Variants in ITCH observed in about 807,000 individuals in gnomAD.
ITCH encodes E3 ubiquitin-protein ligase Itchy homolog.
In ITCH, 28 loss-of-function variants were observed where a neutral mutation model predicts 126.8. The observed-to-expected ratio is 0.22, with a 90% confidence interval of 0.16 to 0.30. The LOEUF (loss-of-function observed/expected upper bound fraction) is 0.30, where lower values mean the gene tolerates loss of function less well. Among genes scored for constraint, ITCH ranks in the 10% least tolerant of loss-of-function variants. The pLI, the probability that ITCH is intolerant of heterozygous loss-of-function variation, is 1.00. For synonymous variants in ITCH, 342 were observed against 340.0 expected (o/e 1.01, Z -0.06); for missense variants, 631 against 1,032.4 (o/e 0.61, Z 5.33).
chr20:34,477,356 C>A (rs560991620), intron 16 of ITCH, among the ~76,000 whole-genome samples: 1 of 152,144 alleles, frequency 6.6e-6, no homozygotes, highest in African/African-American at 2.4e-5. Context: ...CATGGCAAAA[C>A]CCCGTCTCTA....
chr20:34,423,163 T>G (rs1427837625), intron 6 of ITCH, among the ~76,000 whole-genome samples: 4 of 152,212 alleles, frequency 2.6e-5, no homozygotes, highest in South Asian at 2.1e-4. Context: ...AAAATATCTG[T>G]TTTTTGTGTC....
At position 34,436,811 on chromosome 20, in the gene ITCH, T is replaced by C. The variant is rs772555937; in HGVS notation, c.522-1663T>C. Among the ~76,000 whole-genome samples, 10 of 152,214 alleles carry C rather than the reference T, an allele frequency of 6.6e-5. 1 individual carries two copies. The highest frequency in any genetic ancestry group is 1.2e-4 in the Non-Finnish European group (8 of 68,046). On this transcript the variant is annotated intron_variant, in intron 7 of 24. Transcript: ENST00000374864. ...GAAAGGCCCTAAAGGATTTCTGTGG[T>C]ACACAGTTTGAAAATGTCTTTTAAA...
chr20:34,405,164 A>AAAG (rs1555858503), intron 3 of ITCH, among the ~76,000 whole-genome samples: 1 of 148,752 alleles, frequency 6.7e-6, no homozygotes, highest in African/African-American at 2.5e-5. Context: ...AAAAAAAAAA[A>AAAG]GGTTTCAGTG....
intron 8 of ITCH, among the ~76,000 whole-genome samples, chr20:34,439,310 C>CT (rs980866757): frequency 4.4e-4 from 67 of 152,338 alleles, no homozygotes; most frequent in African/African-American, 1.6e-3. Flanking sequence ...GGGTCTCACT[C>CT]TGTCACCCAG....
intron 5 of ITCH, among the ~76,000 whole-genome samples, chr20:34,413,478 A>G (rs1233449895): frequency 6.6e-6 from 1 of 151,936 alleles, no homozygotes; most frequent in African/African-American, 2.4e-5. Context: ...TAGTCTTACA[A>G]GGATGGAATG....
intron 16 of ITCH, among the ~76,000 whole-genome samples, chr20:34,475,694 AGGCAGG>A (rs1197240224): frequency 2.0e-3 from 288 of 142,364 alleles, no homozygotes; most frequent in South Asian, 3.9e-3. Flanking sequence ...GGAGAGGCAG[AGGCAGG>A]GGCAGGGGCA....
At chr20:34,388,793 TCTAATTATGAATGTGAAGTTA>T (rs1236204349) in intron 2 of ITCH, among the ~76,000 whole-genome samples, 1 of 152,224 alleles carries the variant, frequency 6.6e-6, no homozygotes, top group African/African-American at 2.4e-5. Flanking sequence ...CAAAAGAGTC[TCTAATTATGAATGTGAAGTTA>T]CAAAGAATGT....
Position 34,439,482 on chromosome 20 carries a change from G to A in ITCH, c.680-673G>A, listed in dbSNP as rs140407361. Among the ~76,000 whole-genome samples, 262 of 152,208 alleles carry A rather than the reference G, an allele frequency of 1.7e-3. 1 individual carries two copies. Among genetic ancestry groups the A allele is most frequent in the African/African-American group, 5.8e-3 (239 of 41,538 alleles). On this transcript the variant is annotated intron_variant, in intron 8 of 24. Transcript: ENST00000374864. ...TAGAGATGGAGTTTTGCCATGTTGC[G>A]CAGGCTGGTCTGGAGCTCCTGAGCT...
chr20:34,444,322 G>T (rs866994811), intron 10 of ITCH, among the ~76,000 whole-genome samples: 1 of 152,114 alleles, frequency 6.6e-6, no homozygotes, highest in Non-Finnish European at 1.5e-5. Context: ...GGTGGTTCAC[G>T]CCTGTAATCC....
intron 1 of ITCH, among the ~76,000 whole-genome samples, chr20:34,369,173 C>G (rs908347227): frequency 6.6e-5 from 10 of 151,986 alleles, no homozygotes; most frequent in African/African-American, 2.4e-4. Flanking sequence ...ACTAAAAATA[C>G]GAAAGTTAGC....
rs1277031221 is a variant in ITCH at position 34,508,077 on chromosome 20, A to G, written c.*283A>G. ...CCACTAGTTTATTCCTTTAACAACA[A>G]TATTTTATGTGTGTCAAAAGTCTCA... is the stretch of plus-strand genomic sequence containing the variant. On this transcript the variant is annotated 3_prime_UTR_variant, in exon 25 of 25. Coordinates refer to ENST00000374864, the MANE Select transcript of ITCH (RefSeq NM_031483.7). 1.0e-5 allele frequency: 4 copies of G among 393,196 alleles called. No homozygotes were observed. In the Admixed American group the frequency reaches 1.5e-4, roughly 15 times the overall value. 24.4% of individuals were successfully genotyped at this position (393,196 alleles called of 1,614,324 possible).
At chr20:34,475,524 G>A (rs891156635) in intron 16 of ITCH, among the ~76,000 whole-genome samples, 4 of 152,188 alleles carry the variant, frequency 2.6e-5, no homozygotes, top group Non-Finnish European at 2.9e-5. Flanking sequence ...GCGTGGCGGC[G>A]CGTGCCTGCA....
Position 34,496,082 on chromosome 20 carries a change from A to T in ITCH, c.2416+3485A>T, listed in dbSNP as rs527427556. 4.3e-4 allele frequency among the ~76,000 whole-genome samples: 66 copies of T among 152,182 alleles called. No homozygotes were observed. The South Asian group carries it at 0.013, about 31-fold the overall frequency. Reference sequence around the variant, plus strand: ...GAGCAATACTCTGTCTCAAGAAGTTAAGAAGAAGAATTTACATCCCTGCCA... The same window carrying T: ...GAGCAATACTCTGTCTCAAGAAGTTTAGAAGAAGAATTTACATCCCTGCCA... On this transcript the variant is annotated intron_variant, in intron 23 of 24. Transcript: ENST00000374864.
At chr20:34,369,050 C>T (rs2037523152) in intron 1 of ITCH, among the ~76,000 whole-genome samples, 2 of 152,310 alleles carry the variant, frequency 1.3e-5, no homozygotes, top group South Asian at 4.1e-4. Context: ...TAGAGGTCAG[C>T]TGGGTGTGGT....
intron 13 of ITCH, among the ~76,000 whole-genome samples, chr20:34,457,964 A>G (rs1377705548): frequency 6.6e-6 from 1 of 152,150 alleles, no homozygotes; most frequent in African/African-American, 2.4e-5. Flanking sequence ...AAAGAAAACA[A>G]TAGAAAAGCA....
At chr20:34,435,629 C>T (rs1163007308) in intron 7 of ITCH, among the ~76,000 whole-genome samples, 1 of 152,288 alleles carries the variant, frequency 6.6e-6, no homozygotes, top group Admixed American at 6.5e-5. Context: ...AGTTTATTTA[C>T]TCCACTAAAA....
chr20:34,430,708 A>C (rs1332599422), intron 7 of ITCH, among the ~76,000 whole-genome samples: 2 of 152,174 alleles, frequency 1.3e-5, no homozygotes, highest in East Asian at 3.9e-4. Context: ...TCCTGACCTC[A>C]GGTGATCTTC....
intron 7 of ITCH, among the ~76,000 whole-genome samples, chr20:34,438,138 A>G (rs1458463951): frequency 6.6e-6 from 1 of 152,204 alleles, no homozygotes; most frequent in Non-Finnish European, 1.5e-5. Flanking sequence ...ATAGTGCCCT[A>G]AGGATTTTGA....
intron 2 of ITCH, among the ~76,000 whole-genome samples, chr20:34,388,511 G>A (rs534383481): frequency 3.3e-4 from 50 of 151,824 alleles, no homozygotes; most frequent in Non-Finnish European, 5.6e-4. Flanking sequence ...CAGCCTCCCC[G>A]TTAACTGGGA....
Sources: allele counts gnomAD v4.1 joint callset (sites outside exome capture counted in the v4.1 genomes callset), GRCh38; gene constraint gnomAD v4.1.1; transcripts MANE v1.5; gene names NCBI Gene and HGNC (gene_info 2026-07-23, HGNC 2026-07-21).